Variants in RPS7 observed in about 807,000 individuals in gnomAD.
RPS7 encodes the protein ribosomal protein S7.
RPS7 carries 1 observed loss-of-function variant against 22.1 expected under a neutral mutation model. The observed-to-expected ratio is 0.05, with a 90% confidence interval of 0.02 to 0.21. The LOEUF is 0.21. RPS7 is among the 10% of genes least tolerant of loss of function. The pLI, the probability that RPS7 is intolerant of heterozygous loss-of-function variation, is 1.00. For synonymous variants in RPS7, 80 were observed against 92.0 expected (o/e 0.87, Z 0.74); for missense variants, 137 against 246.4 (o/e 0.56, Z 2.97).
In RPS7 at chr2:3,575,276, C is replaced by T; in HGVS notation, c.-93C>T. Reference sequence around the variant, plus strand: ...GCCCTCCTCCTCGCGCTGTTTCCGCCTCTTGCCTTCGGACGCCGGATTTTG... The same window carrying T: ...GCCCTCCTCCTCGCGCTGTTTCCGCTTCTTGCCTTCGGACGCCGGATTTTG... On this transcript the variant is annotated 5_prime_UTR_variant, in exon 1 of 7. Transcript: ENST00000645674. 2.4e-6 allele frequency: 1 copy of T among 409,702 alleles called. No homozygotes were observed. The allele number at this position is 409,702 out of a possible 1,614,324, so 25.4% of individuals were successfully genotyped here. A position where few individuals can be genotyped will look rare whatever the true frequency, so the allele number is the denominator to read the frequency against.
intron 2 of RPS7, 23 bp downstream of exon 2, chr2:3,575,707 T>C (rs1278865151): frequency 6.7e-7 from 1 of 1,502,824 alleles, no homozygotes; most frequent in Admixed American, 1.7e-5. Flanking sequence ...CCCTGGGGTC[T>C]GGGGTGGGGG....
rs1046597460 is a variant in RPS7 at position 3,577,997 on chromosome 2, G to A, written c.356+223G>A. On this transcript the variant is annotated intron_variant, in intron 5 of 6. Coordinates refer to ENST00000645674, the MANE Select transcript of RPS7 (RefSeq NM_001011.4). ...GCCTACTAGGTCAGTGCTGTCACAA[G>A]ATGAGATGATTTCCTCCGATTATTT... The A allele has an allele frequency of 2.4e-5, 14 of 571,840 alleles. No homozygotes were observed. In the South Asian group the frequency reaches 2.8e-4, roughly 11 times the overall value. The allele number at this position is 571,840 out of a possible 1,614,324, so 35.4% of individuals were successfully genotyped here.
rs1661272753 is a variant in RPS7 at position 3,576,117 on chromosome 2, G to T, written c.147+229G>T. 9.8e-6 allele frequency: 6 copies of T among 611,464 alleles called. No individual in the cohort carries two copies. The South Asian group carries it at 1.2e-4, about 12-fold the overall frequency. 37.9% of individuals were successfully genotyped at this position (611,464 alleles called of 1,614,324 possible). ...CACATGCGGGCGGTGGAGAAACGTG[G>T]AGTAGGGAGGGCCTGGGCCCATTTC... On this transcript the variant is annotated intron_variant, in intron 3 of 6. Transcript: ENST00000645674.
intron 4 of RPS7, chr2:3,577,075 C>G: frequency 8.3e-6 from 2 of 241,854 alleles, no homozygotes; most frequent in Non-Finnish European, 8.2e-6. Flanking sequence ...GTGGCTCACT[C>G]CTGTAATCCC....
Position 3,580,840 on chromosome 2 carries a change from G to A in RPS7, c.543G>A (p.Thr181=), listed in dbSNP as rs776954129. The change falls in exon 7 of 7, where the codon ACG becomes ACA. Residue 181 remains threonine, a synonymous_variant. Coordinates refer to ENST00000645674, the MANE Select transcript of RPS7 (RefSeq NM_001011.4). ...TTTCTGGTGTCTATAAGAAGCTCAC[G>A]GGCAAGGATGTTAATTTTGAATTCC... ...ETFSGVYKKL[T]GKDVNFEFPE... 1.0e-5 allele frequency: 16 copies of A among 1,598,294 alleles called. No homozygotes were observed. In the Admixed American group the frequency reaches 1.8e-4, roughly 18 times the overall value.
intron 3 of RPS7, 136 bp downstream of exon 3, chr2:3,576,024 G>T (rs1456192582): frequency 5.4e-6 from 4 of 742,638 alleles, no homozygotes; most frequent in Non-Finnish European, 9.6e-6. Context: ...GTTCGGCCGT[G>T]TTGTTTGGGA....
rs374179186 is a variant in RPS7 at position 3,575,773 on chromosome 2, C to T, written c.76-44C>T. Reference sequence around the variant, plus strand: ...GCGCGTGTGTTGGGCCCGGGGTGCTCGGACGCGCGCTCAGGGTCGGTCCTG... The same window carrying T: ...GCGCGTGTGTTGGGCCCGGGGTGCTTGGACGCGCGCTCAGGGTCGGTCCTG... On this transcript the variant is annotated intron_variant, in intron 2 of 6. Coordinates refer to ENST00000645674, the MANE Select transcript of RPS7 (RefSeq NM_001011.4). 12 of 1,601,108 alleles carry T rather than the reference C, an allele frequency of 7.5e-6. No homozygotes were observed. The African/African-American group carries it at 8.0e-5, about 11-fold the overall frequency.
chr2:3,576,435 A>G (rs900821120), intron 3 of RPS7, 52 bp from the exon 4 acceptor site: 9 of 1,538,324 alleles, frequency 5.9e-6, no homozygotes, highest in African/African-American at 5.4e-5. Context: ...TTTGACCACA[A>G]CGTTTACTTT....
intron 4 of RPS7, 32 bp from the exon 5 acceptor site, chr2:3,577,678 C>A: frequency 6.6e-7 from 1 of 1,517,932 alleles, no homozygotes; most frequent in South Asian, 1.1e-5. Context: ...AGTCTTTTTT[C>A]ATTTTGTTAC....
intron 3 of RPS7, 190 bp downstream of exon 3, chr2:3,576,078 C>T: frequency 4.7e-6 from 3 of 641,182 alleles, no homozygotes; most frequent in Non-Finnish European, 8.5e-6. Context: ...AGGTACCCTG[C>T]GGCTTAAGCT....
intron 1 of RPS7, 62 bp downstream of exon 1, chr2:3,575,412 G>A: frequency 1.7e-6 from 1 of 591,776 alleles, no homozygotes; most frequent in South Asian, 2.0e-5. Context: ...AACGCCTTTT[G>A]GAGTCAGGCC....
chr2:3,577,859 G>T, intron 5 of RPS7, 85 bp downstream of exon 5: 1 of 964,478 alleles, frequency 1.0e-6, no homozygotes, highest in South Asian at 1.4e-5. Flanking sequence ...TATGAAAACA[G>T]ATGTTCAAGT....
intron 3 of RPS7, 113 bp from the exon 4 acceptor site, chr2:3,576,374 T>C (rs1661280332): frequency 1.1e-6 from 1 of 890,160 alleles, no homozygotes; most frequent in Non-Finnish European, 1.9e-6. Context: ...AAACTAGTAT[T>C]AGTTTGTAGT....
Position 3,575,330 on chromosome 2 carries a change from C to T in RPS7, c.-39C>T, listed in dbSNP as rs1572357458. ...TGCTCTCGCGAGATTTGGGTCTCTT[C>T]CTAAGCCGGCGCTCGGCAAGGTAGG... On this transcript the variant is annotated 5_prime_UTR_variant, in exon 1 of 7. Transcript: ENST00000645674. 5.8e-6 allele frequency: 3 copies of T among 517,782 alleles called. No individual in the cohort carries two copies. Among genetic ancestry groups the T allele is most frequent in the Non-Finnish European group, 3.4e-6 (1 of 290,686 alleles). The allele number at this position is 517,782 out of a possible 1,614,324, so 32.1% of individuals were successfully genotyped here.
chr2:3,576,182 G>A (rs1661275369), intron 3 of RPS7: 1 of 590,452 alleles, frequency 1.7e-6, no homozygotes, highest in Admixed American at 3.0e-5. Context: ...ATACGGCAAA[G>A]AGCTGTGGGG....
At chr2:3,576,987 C>A (rs922136091) in intron 4 of RPS7, 2 of 322,140 alleles carry the variant, frequency 6.2e-6, no homozygotes, top group Non-Finnish European at 1.2e-5. Context: ...AATGATTTCC[C>A]ATATTTAAAT....
chr2:3,577,827 TTA>T (rs1476070277), intron 5 of RPS7, 53 bp downstream of exon 5: 3 of 1,177,776 alleles, frequency 2.5e-6, no homozygotes, highest in Non-Finnish European at 3.8e-6. Flanking sequence ...TTAACAACTC[TTA>T]ATTTGTTTAA....
rs985240828 is a variant in RPS7, at chr2:3,575,340, C to A, written c.-29C>A. ...AGATTTGGGTCTCTTCCTAAGCCGG[C>A]GCTCGGCAAGGTAGGTTGGCGGCCT... On this transcript the variant is annotated 5_prime_UTR_variant, in exon 1 of 7. Transcript: ENST00000645674. The A allele has an allele frequency of 2.8e-5, 15 of 527,656 alleles. No homozygotes were observed. Among genetic ancestry groups the A allele is most frequent in the Non-Finnish European group, 4.4e-5 (13 of 297,218 alleles). 32.7% of individuals were successfully genotyped at this position (527,656 alleles called of 1,614,324 possible).
chr2:3,578,072 A>G, intron 5 of RPS7: 1 of 380,896 alleles, frequency 2.6e-6, no homozygotes, highest in Non-Finnish European at 4.8e-6. Context: ...TAATTCTGTG[A>G]TATAGCATGC....
Sources: allele counts gnomAD v4.1 joint callset, GRCh38; gene constraint gnomAD v4.1.1; transcripts MANE v1.5; gene names NCBI Gene and HGNC (gene_info 2026-07-23, HGNC 2026-07-21).